Variants in RPS6KB1 observed in about 807,000 individuals in gnomAD.
RPS6KB1 encodes the protein ribosomal protein S6 kinase B1, also known as ribosomal protein S6 kinase beta-1.
RPS6KB1 carries 12 observed loss-of-function variants against 70.2 expected under a neutral mutation model. The ratio of observed to expected loss-of-function variants is 0.17; its 90% confidence interval spans 0.11 to 0.28. RPS6KB1 has a LOEUF of 0.28. RPS6KB1 is among the 10% of genes least tolerant of loss of function. The pLI is 1.00. For missense variants in RPS6KB1, 270 were observed against 646.6 expected, an observed-to-expected ratio of 0.42 and a Z score of 6.32; for synonymous variants, 175 against 211.2, an observed-to-expected ratio of 0.83 and a Z score of 1.49.
chr17:59,897,578 G>A (rs2041639470), intron 1 of RPS6KB1, among the ~76,000 whole-genome samples: 1 of 152,016 alleles, frequency 6.6e-6, no homozygotes, highest in African/African-American at 2.4e-5. Context: ...AGTAAATATA[G>A]GTATTTCCAT....
chr17:59,910,337 TAGAA>T (rs2144772273), intron 1 of RPS6KB1, among the ~76,000 whole-genome samples: 1 of 152,228 alleles, frequency 6.6e-6, no homozygotes, highest in South Asian at 2.1e-4. Flanking sequence ...CTGGGCAACA[TAGAA>T]AGACCTCATC....
intron 2 of RPS6KB1, 100 bp from the exon 3 acceptor site, chr17:59,912,584 C>G: frequency 1.6e-6 from 2 of 1,246,460 alleles, no homozygotes; most frequent in Non-Finnish European, 1.1e-6. Flanking sequence ...TTTACTTTTA[C>G]TTACTTAGAT....
intron 2 of RPS6KB1, among the ~76,000 whole-genome samples, chr17:59,911,289 A>G (rs1304730654): frequency 6.6e-6 from 1 of 152,218 alleles, no homozygotes; most frequent in African/African-American, 2.4e-5. Context: ...GTGTAGGAGG[A>G]GAATGAGAAG....
chr17:59,936,863 T>G (rs1461077576), intron 12 of RPS6KB1, among the ~76,000 whole-genome samples: 1 of 152,098 alleles, frequency 6.6e-6, no homozygotes, highest in Admixed American at 6.6e-5. Flanking sequence ...AGCATCTTTA[T>G]TTTATTTTAT....
intron 4 of RPS6KB1, among the ~76,000 whole-genome samples, chr17:59,926,046 CT>C (rs947838549): frequency 6.2e-4 from 95 of 152,250 alleles, no homozygotes; most frequent in African/African-American, 1.9e-3. Flanking sequence ...ATTGACTTGT[CT>C]TTTTTTCCCT....
intron 5 of RPS6KB1, among the ~76,000 whole-genome samples, chr17:59,929,354 C>T (rs772881502): frequency 6.6e-6 from 1 of 152,178 alleles, no homozygotes; most frequent in Non-Finnish European, 1.5e-5. Flanking sequence ...CCGCCTCGGC[C>T]TCCCAAAGTG....
At chr17:59,906,714 A>C (rs1326129677) in intron 1 of RPS6KB1, among the ~76,000 whole-genome samples, 1 of 151,528 alleles carries the variant, frequency 6.6e-6, no homozygotes, top group Non-Finnish European at 1.5e-5. Flanking sequence ...GTTTGTTTTG[A>C]GATGGAGTCT....
chr17:59,912,416 A>G (rs2144790553), intron 2 of RPS6KB1: 1 of 317,708 alleles, frequency 3.1e-6, no homozygotes, highest in Non-Finnish European at 6.1e-6. Flanking sequence ...ATGAAAAACC[A>G]TAGTACCCCT....
rs541658264 is a variant in RPS6KB1, at chr17:59,936,544, A to T, written c.1119+3A>T. The T allele has an allele frequency of 3.1e-6, 5 of 1,611,584 alleles. No homozygotes were observed. In the South Asian group the frequency reaches 5.5e-5, roughly 18 times the overall value. ...AGCCCCCCTTTAAACCTCTGTTGGT[A>T]AGTATACATGAAAGTGTATAATTGG... On this transcript the variant is annotated splice_donor_region_variant and intron_variant, in intron 12 of 14. Coordinates refer to ENST00000225577, the MANE Select transcript of RPS6KB1 (RefSeq NM_003161.4).
chr17:59,905,210 G>A (rs1157899593), intron 1 of RPS6KB1, among the ~76,000 whole-genome samples: 2 of 151,808 alleles, frequency 1.3e-5, no homozygotes, highest in African/African-American at 4.8e-5. Context: ...GTTTCACCAT[G>A]TTGCCCAGGC....
At chr17:59,897,277 T>C (rs1489898006) in intron 1 of RPS6KB1, among the ~76,000 whole-genome samples, 2 of 152,234 alleles carry the variant, frequency 1.3e-5, no homozygotes, top group Non-Finnish European at 2.9e-5. Context: ...TCTAATGTTT[T>C]CTATAACATG....
intron 5 of RPS6KB1, 54 bp downstream of exon 5, chr17:59,926,636 A>G: frequency 2.2e-6 from 3 of 1,392,670 alleles, no homozygotes; most frequent in Non-Finnish European, 1.0e-6. Flanking sequence ...AAACTGGGTC[A>G]AAATGTTATT....
At position 59,936,480 on chromosome 17, in the gene RPS6KB1, G is replaced by C; in HGVS notation, c.1058G>C (p.Arg353Thr). 6.2e-7 allele frequency: 1 copy of C among 1,613,548 alleles called. No individual in the cohort carries two copies. The highest frequency in any genetic ancestry group is 8.5e-7 in the Non-Finnish European group (1 of 1,179,724). ...TTTTCCTAGGCTCATCCATTCTTTA[G>C]ACACATTAACTGGGAAGAACTTCTG... ...AGEVQAHPFF[R>T]HINWEELLAR... The change falls in exon 12 of 15, where the codon AGA (arginine) becomes ACA (threonine). Residue 353 changes from arginine to threonine, a missense_variant. Transcript: ENST00000225577.
At chr17:59,922,040 A>ATTT (rs36071603) in intron 4 of RPS6KB1, among the ~76,000 whole-genome samples, 2 of 130,156 alleles carry the variant, frequency 1.5e-5, no homozygotes, top group Non-Finnish European at 3.3e-5. Context: ...GAATAAGGGC[A>ATTT]TTTTTTTTTT....
At chr17:59,903,928 T>TA (rs2042110748) in intron 1 of RPS6KB1, among the ~76,000 whole-genome samples, 1 of 152,058 alleles carries the variant, frequency 6.6e-6, no homozygotes, top group Non-Finnish European at 1.5e-5. Context: ...TTATTTATTT[T>TA]AGAGATGAGA....
At chr17:59,909,337 G>T (rs1219409425) in intron 1 of RPS6KB1, among the ~76,000 whole-genome samples, 1 of 132,038 alleles carries the variant, frequency 7.6e-6, no homozygotes, top group East Asian at 2.4e-4. Flanking sequence ...GCGTGATCTC[G>T]GCTCACCGCA....
intron 13 of RPS6KB1, 77 bp from the exon 14 acceptor site, chr17:59,945,329 T>C (rs1462934492): frequency 1.1e-5 from 8 of 734,674 alleles, no homozygotes; most frequent in Non-Finnish European, 1.9e-5. Flanking sequence ...TGTGTAGGTA[T>C]GTCAGACTGA....
Position 59,893,210 on chromosome 17 carries a change from G to C in RPS6KB1, c.26G>C (p.Gly9Ala). 2.5e-6 allele frequency: 4 copies of C among 1,608,760 alleles called. No individual in the cohort carries two copies. Among genetic ancestry groups the C allele is most frequent in the Non-Finnish European group, 3.4e-6 (4 of 1,178,024 alleles). MRRRRRRD[G>A]FYPAPDFRDR... ...ATGAGGCGACGAAGGAGGCGGGACG[G>C]CTTTTACCCAGCCCCGGACTTCCGA... The change falls in exon 1 of 15, where the codon GGC becomes GCC. Residue 9 changes from glycine to alanine, a missense_variant. Gly to Ala is a moderately conservative substitution (Grantham distance 60, BLOSUM62 0). Transcript: ENST00000225577. The surrounding 1 kb of genome is among the most constrained non-coding windows in gnomAD (Gnocchi z 4.1).
At chr17:59,912,911 A>C (rs2042732912) in intron 3 of RPS6KB1, 107 bp downstream of exon 3, 1 of 1,235,274 alleles carries the variant, frequency 8.1e-7, no homozygotes, top group African/African-American at 1.5e-5. Flanking sequence ...TCAGCAAAGG[A>C]TGTGATCATG....
Sources: gnomAD v4.1 joint callset for allele counts (sites outside exome capture counted in the v4.1 genomes callset) on GRCh38, gnomAD v4.1.1 for gene constraint, Gnocchi (gnomAD v3.1) non-coding constraint, MANE v1.5 for transcripts, NCBI Gene and HGNC (gene_info 2026-07-23, HGNC 2026-07-21) for gene names.